The following PTPN9 variants were observed in gnomAD, a reference collection of about 807,000 sequenced individuals.
The protein encoded by PTPN9 is tyrosine-protein phosphatase non-receptor type 9.
PTPN9 carries 26 observed loss-of-function variants against 69.8 expected under a neutral mutation model. The observed-to-expected ratio is 0.37, with a 90% confidence interval of 0.27 to 0.52. PTPN9 has a LOEUF of 0.52. PTPN9 is among the 20% of genes least tolerant of loss of function. PTPN9 has a pLI of 0.91. For missense variants in PTPN9, 549 were observed against 740.3 expected, an observed-to-expected ratio of 0.74 and a Z score of 3.00; for synonymous variants, 274 against 272.5, an observed-to-expected ratio of 1.01 and a Z score of -0.05.
At chr15:75,562,481 G>A (rs554623375) in intron 1 of PTPN9, among the ~76,000 whole-genome samples, 6 of 152,238 alleles carry the variant, frequency 3.9e-5, no homozygotes, top group East Asian at 3.9e-4. Context: ...TTAACCAGAA[G>A]AGTGAGTCTC....
chr15:75,527,036 AAT>A, intron 2 of PTPN9, 80 bp downstream of exon 2: 1 of 1,510,758 alleles, frequency 6.6e-7, no homozygotes, highest in Non-Finnish European at 9.1e-7. Context: ...TTAGAGAACC[AAT>A]GTGTGTGTCG....
rs747079068 is a variant in PTPN9 at position 75,466,979 on chromosome 15, G to A, written c.*1790C>T. On this transcript the variant is annotated 3_prime_UTR_variant, in exon 13 of 13. Transcript: ENST00000618819. Reference sequence around the variant, plus strand: ...TCCAGAGATAGGGCCATGGCCTACAGACAAGGTGAACTCATAGTGTCAGAA... The same window carrying A: ...TCCAGAGATAGGGCCATGGCCTACAAACAAGGTGAACTCATAGTGTCAGAA... 2.6e-5 allele frequency: 4 copies of A among 152,254 alleles called. No individual in the cohort carries two copies. The highest frequency in any genetic ancestry group is 4.4e-5 in the Non-Finnish European group (3 of 68,084). 9.4% of individuals were successfully genotyped at this position (152,254 alleles called of 1,614,324 possible).
intron 1 of PTPN9, among the ~76,000 whole-genome samples, chr15:75,539,101 T>C (rs2074997319): frequency 6.6e-6 from 1 of 152,134 alleles, no homozygotes. Flanking sequence ...AAAAATTTTT[T>C]TTTGGCCGGG....
At chr15:75,475,261 G>T (rs2141288569) in intron 9 of PTPN9, among the ~76,000 whole-genome samples, 1 of 152,282 alleles carries the variant, frequency 6.6e-6, no homozygotes, top group Admixed American at 6.5e-5. Context: ...GAAGATACTT[G>T]TGGGCTACCA....
intron 1 of PTPN9, among the ~76,000 whole-genome samples, chr15:75,528,890 C>T (rs115167203): frequency 0.01 from 1,573 of 150,884 alleles, 27 homozygotes; most frequent in African/African-American, 0.037. Flanking sequence ...TTTGTAGAGA[C>T]GAGGACTCCC....
Position 75,540,475 on chromosome 15 carries a change from C to T in PTPN9, c.64-13214G>A, listed in dbSNP as rs186134311. On this transcript the variant is annotated intron_variant, in intron 1 of 12. Coordinates refer to ENST00000618819, the MANE Select transcript of PTPN9 (RefSeq NM_002833.4). ...GGCTGAAGCAGGAGAATCGCTTAAA[C>T]CCAGGAGGTGGAGGTTGCAGTGAGC... Among the ~76,000 whole-genome samples, 4 of 150,510 alleles carry T rather than the reference C, an allele frequency of 2.7e-5. No individual in the cohort carries two copies. The East Asian group carries it at 7.8e-4, about 30-fold the overall frequency.
intron 1 of PTPN9, among the ~76,000 whole-genome samples, chr15:75,542,869 T>C (rs2075015244): frequency 6.6e-6 from 1 of 151,856 alleles, no homozygotes; most frequent in African/African-American, 2.4e-5. Context: ...TAATTATACT[T>C]TTAAGTTTTC....
intron 1 of PTPN9, among the ~76,000 whole-genome samples, chr15:75,554,421 C>G (rs1182677953): frequency 6.6e-6 from 1 of 151,824 alleles, no homozygotes; most frequent in Admixed American, 6.6e-5. Flanking sequence ...CTCAAACTCC[C>G]GACCTCAGGT....
chr15:75,530,763 T>TAA (rs1184122038), intron 1 of PTPN9, among the ~76,000 whole-genome samples: 1 of 80,618 alleles, frequency 1.2e-5, no homozygotes, highest in African/African-American at 5.1e-5. Context: ...ATATAATATA[T>TAA]TATTATAATT....
rs2074533720 is a variant in PTPN9 at position 75,465,602 on chromosome 15, G to T, written c.*3167C>A. The T allele has an allele frequency of 6.6e-6, 1 of 152,142 alleles. No individual in the cohort carries two copies. The highest frequency in any genetic ancestry group is 2.4e-5 in the African/African-American group (1 of 41,410). 9.4% of individuals were successfully genotyped at this position (152,142 alleles called of 1,614,324 possible). On this transcript the variant is annotated 3_prime_UTR_variant, in exon 13 of 13. Transcript: ENST00000618819. Reference sequence around the variant, plus strand: ...TCCTCTGAGTTTTACTGAAAATTTAGGAGACATCAATTTGTTAACTCTCTA... The same window carrying T: ...TCCTCTGAGTTTTACTGAAAATTTATGAGACATCAATTTGTTAACTCTCTA...
chr15:75,546,676 C>T (rs926459484), intron 1 of PTPN9, among the ~76,000 whole-genome samples: 2 of 151,702 alleles, frequency 1.3e-5, no homozygotes, highest in African/African-American at 4.8e-5. Flanking sequence ...CTTCATTAAC[C>T]TTGACATTTG....
Position 75,488,355 on chromosome 15 carries a change from T to TA in PTPN9, c.1062+1852dup, listed in dbSNP as rs201059618. The stretch of plus-strand genomic sequence containing the variant: ...CAGTCAATGCTGGGTTTTTTTTTTT[T>TA]ATGAGATCACCTAACAAAATTGGGT... On this transcript the variant is annotated intron_variant, in intron 8 of 12. Transcript: ENST00000618819. Among the ~76,000 whole-genome samples the TA allele has an allele frequency of 4.6e-5, 7 of 152,046 alleles. No individual in the cohort carries two copies. The East Asian group carries it at 5.8e-4, about 13-fold the overall frequency.
chr15:75,504,041 CCCCCGCCCGG>C (rs2074795784), intron 7 of PTPN9, among the ~76,000 whole-genome samples: 1 of 130,696 alleles, frequency 7.7e-6, no homozygotes, highest in Admixed American at 7.2e-5. Context: ...GGGGCTCAGC[CCCCCGCCCGG>C]CCAGCCGACC....
chr15:75,547,260 A>C (rs1003899682), intron 1 of PTPN9, among the ~76,000 whole-genome samples: 1 of 140,848 alleles, frequency 7.1e-6, no homozygotes, highest in Non-Finnish European at 1.5e-5. Flanking sequence ...GCACCACTGC[A>C]CTTCAGCTTG....
At chr15:75,534,097 T>G (rs1038826358) in intron 1 of PTPN9, among the ~76,000 whole-genome samples, 1 of 152,212 alleles carries the variant, frequency 6.6e-6, no homozygotes, top group Non-Finnish European at 1.5e-5. Flanking sequence ...TATTCACTAC[T>G]GTGTGTTATT....
intron 7 of PTPN9, among the ~76,000 whole-genome samples, chr15:75,504,389 T>G (rs1484069121): frequency 2.2e-4 from 22 of 99,970 alleles, no homozygotes; most frequent in South Asian, 3.6e-4. Context: ...GGTGGGGGGC[T>G]CAGCCCCCCG....
chr15:75,499,370 G>A (rs915746135), intron 7 of PTPN9, among the ~76,000 whole-genome samples: 2 of 149,076 alleles, frequency 1.3e-5, no homozygotes, highest in African/African-American at 5.0e-5. Flanking sequence ...AGCTGGTTTG[G>A]ATGATGGCAA....
rs1009158495 is a variant in PTPN9 at position 75,523,958 on chromosome 15, CAG to C, written c.297+249_297+250del. On this transcript the variant is annotated intron_variant, in intron 3 of 12. Transcript: ENST00000618819. ...AAGGTATATAGGAACAAAGTCCAAA[CAG>C]GGGGGGATGGAGGAGGGATAGCATT... Among the ~76,000 whole-genome samples the C allele has an allele frequency of 7.9e-5, 12 of 152,012 alleles. No individual in the cohort carries two copies. In the East Asian group the frequency reaches 1.2e-3, roughly 15 times the overall value.
intron 7 of PTPN9, among the ~76,000 whole-genome samples, chr15:75,502,777 T>C (rs866002346): frequency 4.6e-5 from 7 of 152,154 alleles, no homozygotes; most frequent in Admixed American, 1.3e-4. Flanking sequence ...AGACCAGCAC[T>C]CACACTGAGT....
Sources: allele counts gnomAD v4.1 joint callset (sites outside exome capture counted in the v4.1 genomes callset), GRCh38; gene constraint gnomAD v4.1.1; transcripts MANE v1.5; gene names NCBI Gene and HGNC (gene_info 2026-07-23, HGNC 2026-07-21).